Variants in PRSS36 observed in about 807,000 individuals in gnomAD.
PRSS36 encodes polyserase-2.
A neutral mutation model predicts 94.3 loss-of-function variants in PRSS36; 90 were observed. The observed-to-expected ratio is 0.95, with a 90% CI of 0.80 to 1.14. The LOEUF is 1.14. Ranked by LOEUF, PRSS36 falls within the 50% of genes most tolerant of loss-of-function variation. The pLI, the probability that PRSS36 is intolerant of heterozygous loss-of-function variation, is 0.00. For missense variants in PRSS36, 1,158 were observed against 1,135.0 expected (o/e 1.02, Z -0.29); for synonymous variants, 500 against 489.6 (o/e 1.02, Z -0.28).
At chr16:31,145,538 A>C (rs1212590227) in intron 6 of PRSS36, among the ~76,000 whole-genome samples, 1 of 152,058 alleles carries the variant, frequency 6.6e-6, no homozygotes, top group African/African-American at 2.4e-5. Flanking sequence ...GCTGAAGCAC[A>C]AGAGTCGCTT....
At chr16:31,144,637 G>C (rs1310562207) in intron 6 of PRSS36, among the ~76,000 whole-genome samples, 1 of 152,126 alleles carries the variant, frequency 6.6e-6, no homozygotes, top group Non-Finnish European at 1.5e-5. Context: ...AAATTCACTC[G>C]GCCTTGGCTG....
In PRSS36 at chr16:31,140,674, G is replaced by A. The variant is rs867765054; in HGVS notation, c.1985C>T (p.Ser662Phe). 2.5e-6 allele frequency: 4 copies of A among 1,614,064 alleles called. No individual in the cohort carries two copies. Among genetic ancestry groups the A allele is most frequent in the Non-Finnish European group, 3.4e-6 (4 of 1,179,960 alleles). Residue 662 changes from serine to phenylalanine, a missense_variant, in exon 13 of 15, where the codon TCC becomes TTC. Transcript: ENST00000268281. The stretch of plus-strand genomic sequence containing the variant: ...CAGCCGGATGCTGATGACCAAGCGG[G>A]ATACCTGGTGGCCCTGTGGGAGGGA... ...ASSLPQGHQVSRLVISIRLPQ... is the reference protein window; with the variant it reads ...ASSLPQGHQVFRLVISIRLPQ...
In PRSS36 at chr16:31,142,737, C is replaced by T. The variant is rs1168650241; in HGVS notation, c.1357G>A (p.Glu453Lys). Reference sequence around the variant, plus strand: ...GGCCCAGCGCCGGTCCCCAGCTCACCCCCGCGGCCCCAGCGGGCCAGGCGG... The same window carrying T: ...GGCCCAGCGCCGGTCCCCAGCTCACTCCCGCGGCCCCAGCGGGCCAGGCGG... ...RCRLARWGRG[E>K]PALGPGALLE... The change falls in exon 9 of 15, where the codon GAA (glutamate) becomes AAA (lysine). Residue 453 changes from glutamate to lysine, a missense_variant and splice_region_variant. Glu to Lys is a moderately conservative substitution (Grantham distance 56). Coordinates refer to ENST00000268281, the MANE Select transcript of PRSS36 (RefSeq NM_173502.5). 2 of 1,366,764 alleles carry T rather than the reference C, an allele frequency of 1.5e-6. No individual in the cohort carries two copies. Among genetic ancestry groups the T allele is most frequent in the Non-Finnish European group, 1.9e-6 (2 of 1,057,506 alleles). 84.7% of individuals were successfully genotyped at this position (1,366,764 alleles called of 1,614,324 possible).
In PRSS36 at chr16:31,142,628, TG is replaced by T; in HGVS notation, c.1373del (p.Pro458GlnfsTer10). 6.7e-7 allele frequency: 1 copy of T among 1,488,498 alleles called. No homozygotes were observed. Among genetic ancestry groups the T allele is most frequent in the East Asian group, 2.6e-5 (1 of 38,032 alleles). 92.2% of individuals were successfully genotyped at this position (1,488,498 alleles called of 1,614,324 possible). On this transcript the variant is annotated frameshift_variant, in exon 10 of 15. Coordinates refer to ENST00000268281, the MANE Select transcript of PRSS36 (RefSeq NM_173502.5). LOFTEE classifies it high-confidence loss of function. ...RWGRGEPALG[P>X]GALLEAELLG... is the part of the protein sequence containing the mutation. ...ACAGCTCCGCCTCCAGCAGCGCGCCTGGGCCAAGCGCGGGTTCTGGAAGGGA... is the reference window on the plus strand; with the variant it reads ...ACAGCTCCGCCTCCAGCAGCGCGCCTGGCCAAGCGCGGGTTCTGGAAGGGA...
At chr16:31,145,265 C>T (rs1299306443) in intron 6 of PRSS36, among the ~76,000 whole-genome samples, 22 of 132,834 alleles carry the variant, frequency 1.7e-4, no homozygotes, top group Admixed American at 1.5e-3. Flanking sequence ...CCTAGCTACT[C>T]GGGAGGCTGA....
In PRSS36 at chr16:31,148,425, C is replaced by T; in HGVS notation, c.523G>A (p.Ala175Thr). 6.4e-7 allele frequency: 1 copy of T among 1,572,634 alleles called. No individual in the cohort carries two copies. Among genetic ancestry groups the T allele is most frequent in the Non-Finnish European group, 8.6e-7 (1 of 1,167,694 alleles). The change falls in exon 5 of 15, where the codon GCC becomes ACC. Residue 175 changes from alanine to threonine, a missense_variant. Coordinates refer to ENST00000268281, the MANE Select transcript of PRSS36 (RefSeq NM_173502.5). ...HRFVHGTACWATGWGDVQEAD... is the reference protein window; with the variant it reads ...HRFVHGTACWTTGWGDVQEAD... ...TCCTGGACGTCTCCCCAGCCGGTGG[C>T]CCAGCAGGCGGTGCCGTGCACGAAG...
chr16:31,148,618 C>T lies in PRSS36; in HGVS notation c.330G>A (p.Gln110=), dbSNP rs1200837242. 6.2e-7 allele frequency: 1 copy of T among 1,612,312 alleles called. No individual in the cohort carries two copies. The highest frequency in any genetic ancestry group is 1.7e-5 in the Admixed American group (1 of 59,956). The stretch of plus-strand genomic sequence containing the variant: ...TGTGCGCGCCGTCCAGGGGCCCGTC[C>T]TGGGAGTGCACGCCCAGCAGTACCG... ...EWSVLLGVHS[Q]DGPLDGAHTR... is the part of the protein sequence containing the mutation. Residue 110 remains glutamine (Q), a synonymous_variant, in exon 5 of 15, where the codon CAG becomes CAA. Coordinates refer to ENST00000268281, the MANE Select transcript of PRSS36 (RefSeq NM_173502.5).
chr16:31,142,407 C>G, intron 10 of PRSS36, 74 bp downstream of exon 10: 1 of 1,383,974 alleles, frequency 7.2e-7, no homozygotes, highest in Non-Finnish European at 9.4e-7. Flanking sequence ...CTTGGACTCG[C>G]CTTCCACAGG....
intron 6 of PRSS36, among the ~76,000 whole-genome samples, chr16:31,145,083 G>A (rs891276555): frequency 5.3e-5 from 8 of 150,764 alleles, no homozygotes; most frequent in Non-Finnish European, 8.9e-5. Context: ...GTGAAACTCC[G>A]TCTCGGCCGG....
chr16:31,149,354 A>G, intron 3 of PRSS36, 109 bp downstream of exon 3: 1 of 1,540,120 alleles, frequency 6.5e-7, no homozygotes, highest in South Asian at 1.2e-5. Flanking sequence ...TGAACAAAGA[A>G]CATAGAGGAC....
Position 31,143,847 on chromosome 16 carries a change from G to A in PRSS36, c.721-10C>T, listed in dbSNP as rs1472192726. 1 of 1,612,810 alleles carries A rather than the reference G, an allele frequency of 6.2e-7. No homozygotes were observed. Among genetic ancestry groups the A allele is most frequent in the Non-Finnish European group, 8.5e-7 (1 of 1,179,988 alleles). Reference sequence around the variant, plus strand: ...GCCCCCCAGAGTCACCCTAGTGGCAGATGACTGCATGTCAAGGGGTCAGCC... The same window carrying A: ...GCCCCCCAGAGTCACCCTAGTGGCAAATGACTGCATGTCAAGGGGTCAGCC... On this transcript the variant is annotated splice_polypyrimidine_tract_variant and intron_variant, in intron 6 of 14. Transcript: ENST00000268281.
intron 10 of PRSS36, 98 bp downstream of exon 10, chr16:31,142,383 C>T (rs1567446376): frequency 2.3e-6 from 3 of 1,312,834 alleles, no homozygotes; most frequent in Non-Finnish European, 3.0e-6. Flanking sequence ...GCCCCGCCCT[C>T]TCCCTAGAGC....
At position 31,142,910 on chromosome 16, in the gene PRSS36, G is replaced by A; in HGVS notation, c.1184C>T (p.Ala395Val). 6.5e-7 allele frequency: 1 copy of A among 1,535,400 alleles called. No homozygotes were observed. The highest frequency in any genetic ancestry group is 8.7e-7 in the Non-Finnish European group (1 of 1,147,022). The change falls in exon 9 of 15, where the codon GCG (alanine) becomes GTG (valine). Residue 395 changes from alanine (A) to valine (V), a missense_variant. Ala to Val is a moderately conservative substitution (Grantham distance 64). Coordinates refer to ENST00000268281, the MANE Select transcript of PRSS36 (RefSeq NM_173502.5). ...AGCGTTCTCGTGCTGCACCAGGCGC[G>A]CCACCCGCTCCGCGCGCGGGCGCGA... Reference protein sequence around the residue: ...LPSRPRAERVARLVQHENASW... With the variant: ...LPSRPRAERVVRLVQHENASW...
Position 31,142,870 on chromosome 16 carries a change from G to A in PRSS36, c.1224C>T (p.Ala408=). 1 of 1,561,004 alleles carries A rather than the reference G, an allele frequency of 6.4e-7. No individual in the cohort carries two copies. Residue 408 remains alanine (A), a synonymous_variant, in exon 9 of 15, where the codon GCC becomes GCT. Transcript: ENST00000268281. The part of the protein sequence containing the change: ...VQHENASWDN[A]SDLALLQLRT... ...GCAGCTGCAGCAGCGCCAGGTCCGAGGCGTTGTCCCACGAAGCGTTCTCGT... is the reference window on the plus strand; with the variant it reads ...GCAGCTGCAGCAGCGCCAGGTCCGAAGCGTTGTCCCACGAAGCGTTCTCGT...
rs367816424 is a variant in PRSS36, at chr16:31,145,087, C to T, written c.720+702G>A. On this transcript the variant is annotated intron_variant, in intron 6 of 14. Coordinates refer to ENST00000268281, the MANE Select transcript of PRSS36 (RefSeq NM_173502.5). The stretch of plus-strand genomic sequence containing the variant: ...GGGCAATAAGAGTGAAACTCCGTCT[C>T]GGCCGGGCGCGGTGGCTCACTCCTG... Among the ~76,000 whole-genome samples the T allele has an allele frequency of 8.1e-4, 122 of 149,780 alleles. 1 individual carries two copies. Among genetic ancestry groups the T allele is most frequent in the African/African-American group, 2.7e-3 (110 of 40,566 alleles).
rs1174142495 is a variant in PRSS36, at chr16:31,139,190, G to A, written c.2516C>T (p.Ser839Phe). 1.9e-6 allele frequency: 3 copies of A among 1,606,420 alleles called. No individual in the cohort carries two copies. The highest frequency in any genetic ancestry group is 1.7e-5 in the Admixed American group (1 of 59,338). ...GAGCAGGAAGTAGACTGCATGCGGG[G>A]ATCCCGAGGCCTTGGCCAGTTCTGG... is the stretch of plus-strand genomic sequence containing the variant. Reference protein sequence around the residue: ...CPPELAKASGSPHAVYFLLLL... With the variant: ...CPPELAKASGFPHAVYFLLLL... The change falls in exon 15 of 15, where the codon TCC becomes TTC. Residue 839 changes from serine (S) to phenylalanine (F), a missense_variant. Transcript: ENST00000268281.
At chr16:31,141,319 G>C (rs2057683605) in intron 12 of PRSS36, 150 bp downstream of exon 12, 1 of 1,011,962 alleles carries the variant, frequency 9.9e-7, no homozygotes, top group Non-Finnish European at 1.4e-6. Flanking sequence ...GCCAAGGCAG[G>C]AGGATTGCTT....
At chr16:31,142,685 C>A in intron 9 of PRSS36, 41 bp from the exon 10 acceptor site, 2 of 1,400,548 alleles carry the variant, frequency 1.4e-6, no homozygotes, top group Non-Finnish European at 1.9e-6. Flanking sequence ...GCGGCCCAGA[C>A]GGCCCCTGCA....
At chr16:31,144,380 G>A (rs1336064585) in intron 6 of PRSS36, among the ~76,000 whole-genome samples, 2 of 152,118 alleles carry the variant, frequency 1.3e-5, no homozygotes, top group East Asian at 3.9e-4. Context: ...TTGCCATGTT[G>A]GCCAGGCTGG....
Sources: allele counts gnomAD v4.1 joint callset (sites outside exome capture counted in the v4.1 genomes callset), GRCh38; gene constraint gnomAD v4.1.1; transcripts MANE v1.5; gene names NCBI Gene and HGNC (gene_info 2026-07-23, HGNC 2026-07-21).